Variants in PCDH15 observed in about 807,000 individuals in gnomAD.
The protein encoded by PCDH15 is protocadherin related 15.
In PCDH15, 129 loss-of-function variants were observed where a neutral mutation model predicts 178.5. The observed-to-expected ratio is 0.72, with a 90% CI of 0.63 to 0.84. The LOEUF (loss-of-function observed/expected upper bound fraction) is 0.84, where lower values mean the gene tolerates loss of function less well. Among genes scored for constraint, PCDH15 ranks in the 40% least tolerant of loss-of-function variants. PCDH15 has a pLI of 0.00. For synonymous variants in PCDH15, 800 were observed against 732.0 expected (o/e 1.09, Z -1.50); for missense variants, 2,230 against 2,099.9 (o/e 1.06, Z -1.21).
chr10:54,707,067 C>A (rs1358429223), intron 1 of PCDH15, among the ~76,000 whole-genome samples: 1 of 152,172 alleles, frequency 6.6e-6, no homozygotes, highest in Non-Finnish European at 1.5e-5. Flanking sequence ...AGATGTGGAA[C>A]ACTGTAGCTG....
At chr10:54,815,161 T>C (rs1952929091) in intron 3 of PCDH15, among the ~76,000 whole-genome samples, 2 of 151,836 alleles carry the variant, frequency 1.3e-5, no homozygotes, top group African/African-American at 4.8e-5. Flanking sequence ...TTTTTATATT[T>C]GTGACAAGTT....
chr10:54,769,027 ATGATG>A (rs753594870), intron 1 of PCDH15, among the ~76,000 whole-genome samples: 1 of 152,214 alleles, frequency 6.6e-6, no homozygotes, highest in Non-Finnish European at 1.5e-5. Flanking sequence ...GCCTGCAGAA[ATGATG>A]CACCCAACAT....
At chr10:54,194,602 T>TTG (rs2049374216) in intron 11 of PCDH15, among the ~76,000 whole-genome samples, 1 of 84,270 alleles carries the variant, frequency 1.2e-5, no homozygotes, top group African/African-American at 5.6e-5. Flanking sequence ...ACTTGCTGTT[T>TTG]TATATATATG....
chr10:55,529,644 TCTC>T (rs1342137356), intron 2 of PCDH15, among the ~76,000 whole-genome samples: 2 of 150,040 alleles, frequency 1.3e-5, no homozygotes, highest in Admixed American at 1.3e-4. Context: ...TCTGATAACT[TCTC>T]CTGTTCTTTA....
intron 10 of PCDH15, among the ~76,000 whole-genome samples, chr10:54,197,382 A>G (rs1310273784): frequency 2.6e-5 from 4 of 152,106 alleles, no homozygotes; most frequent in Non-Finnish European, 5.9e-5. Flanking sequence ...ATTTCATCAC[A>G]ATTGACTTCT....
chr10:55,206,698 G>C (rs917254224), intron 1 of PCDH15, among the ~76,000 whole-genome samples: 6 of 151,970 alleles, frequency 3.9e-5, no homozygotes, highest in Non-Finnish European at 8.8e-5. Flanking sequence ...ATTCAAGTTG[G>C]TAATATCTAC....
At position 55,176,798 on chromosome 10, in the gene PCDH15, C is replaced by T. The variant is rs115191030; in HGVS notation, c.-155-10147G>A. On this transcript the variant is annotated intron_variant, in intron 1 of 5. Coordinates refer to the PCDH15 transcript ENST00000458638. Reference sequence around the variant, plus strand: ...AAGGATGCTTTTTTCCTGCATACCACTACACCCTGACTTCCAATATTTCTT... The same window carrying T: ...AAGGATGCTTTTTTCCTGCATACCATTACACCCTGACTTCCAATATTTCTT... Among the ~76,000 whole-genome samples the T allele has an allele frequency of 4.0e-3, 609 of 152,226 alleles. 5 individuals carry two copies. The highest frequency in any genetic ancestry group is 0.014 in the African/African-American group (568 of 41,558).
chr10:55,519,093 CAAAAA>C (rs33942260), intron 2 of PCDH15, among the ~76,000 whole-genome samples: 4 of 66,186 alleles, frequency 6.0e-5, no homozygotes, highest in South Asian at 7.4e-4. Context: ...GATTTCGTCT[CAAAAA>C]AAAAAAAAAA....
At chr10:55,265,311 G>GAGATATATATATATATATATAT in intron 1 of PCDH15, among the ~76,000 whole-genome samples, 1 of 144,250 alleles carries the variant, frequency 6.9e-6, no homozygotes, top group African/African-American at 2.7e-5. Context: ...GTATCTCTAT[G>GAGATATATATATATATATATAT]ATATATATAT....
chr10:55,578,386 T>C (rs1842537177), intron 2 of PCDH15, among the ~76,000 whole-genome samples: 1 of 151,674 alleles, frequency 6.6e-6, no homozygotes, highest in African/African-American at 2.4e-5. Context: ...CCTGGCTAAT[T>C]GTTTTTGTAT....
chr10:54,521,426 C>A (rs572544792), intron 3 of PCDH15, among the ~76,000 whole-genome samples: 14 of 152,142 alleles, frequency 9.2e-5, no homozygotes, highest in African/African-American at 2.9e-4. Context: ...TAAGATAAAA[C>A]CAAGCACATT....
chr10:54,496,737 C>G (rs1169494852), intron 3 of PCDH15, among the ~76,000 whole-genome samples: 2 of 152,176 alleles, frequency 1.3e-5, no homozygotes, highest in African/African-American at 2.4e-5. Context: ...CTCAGCCTCT[C>G]AATACTTCCC....
chr10:55,450,542 T>C (rs780896595), intron 2 of PCDH15, among the ~76,000 whole-genome samples: 81 of 150,890 alleles, frequency 5.4e-4, no homozygotes, highest in Middle Eastern at 3.4e-3. Context: ...ACTCTTTTGG[T>C]ACTAAAGGCA....
chr10:53,822,645 G>A, intron 32 of PCDH15: 7 of 1,614,092 alleles, frequency 4.3e-6, no homozygotes, highest in Non-Finnish European at 5.9e-6. Context: ...GGAACACTCA[G>A]CAGGAGAACT....
chr10:54,543,983 G>A (rs188823030), intron 2 of PCDH15, among the ~76,000 whole-genome samples: 1 of 152,130 alleles, frequency 6.6e-6, no homozygotes, highest in Admixed American at 6.5e-5. Flanking sequence ...CACCTGACCC[G>A]TGTGTATGCT....
chr10:54,646,912 A>G (rs1277977822), intron 2 of PCDH15, among the ~76,000 whole-genome samples: 3 of 152,156 alleles, frequency 2.0e-5, no homozygotes, highest in East Asian at 3.9e-4. Context: ...TGCAGCTGCT[A>G]TGGAAAACTG....
chr10:54,165,181 T>C (rs963612130), intron 13 of PCDH15, among the ~76,000 whole-genome samples: 1 of 140,820 alleles, frequency 7.1e-6, no homozygotes, highest in Non-Finnish European at 1.5e-5. Context: ...CAAGTGATGC[T>C]TTAAAGCCAA....
chr10:54,077,263 A>C (rs750466313), intron 17 of PCDH15, among the ~76,000 whole-genome samples: 1 of 152,190 alleles, frequency 6.6e-6, no homozygotes, highest in Non-Finnish European at 1.5e-5. Context: ...GAGGACCTAG[A>C]AATGCTAAGT....
At chr10:53,897,318 AAAAT>A (rs1211675736) in intron 26 of PCDH15, among the ~76,000 whole-genome samples, 1 of 152,256 alleles carries the variant, frequency 6.6e-6, no homozygotes, top group African/African-American at 2.4e-5. Context: ...ATAGTCAAGA[AAAAT>A]AAATTGACTA....
Sources: allele counts gnomAD v4.1 joint callset (sites outside exome capture counted in the v4.1 genomes callset), GRCh38; gene constraint gnomAD v4.1.1; transcripts MANE v1.5; gene names NCBI Gene and HGNC (gene_info 2026-07-23, HGNC 2026-07-21).